SMCO4: variants seen among roughly 807,000 people sequenced by gnomAD.
The protein encoded by SMCO4 is single-pass membrane protein with coiled-coil domains 4, also known as single-pass membrane and coiled-coil domain-containing protein 4.
SMCO4 carries 4 observed loss-of-function variants against 3.6 expected under a neutral mutation model. The ratio of observed to expected loss-of-function variants is 1.11; its 90% CI spans 0.54 to 2.53. The LOEUF (loss-of-function observed/expected upper bound fraction) is 2.53, where lower values mean the gene tolerates loss of function less well. SMCO4 is among the 30% of genes most tolerant of loss of function. The pLI, the probability that SMCO4 is intolerant of heterozygous loss-of-function variation, is 0.02. For synonymous variants in SMCO4, 36 were observed against 35.3 expected, an observed-to-expected ratio of 1.02 and a Z score of -0.07; for missense variants, 70 against 80.8, an observed-to-expected ratio of 0.87 and a Z score of 0.51.
At chr11:93,506,176 T>C (rs753601849) in intron 1 of SMCO4, among the ~76,000 whole-genome samples, 3 of 152,092 alleles carry the variant, frequency 2.0e-5, no homozygotes, top group Non-Finnish European at 2.9e-5. Context: ...AGAGGGGGCA[T>C]GGAGCCAAGA....
rs140469719 is a variant in SMCO4 at position 93,517,996 on chromosome 11, G to A, written c.-153-18648C>T. The stretch of plus-strand genomic sequence containing the variant: ...AGACATTTTAAAGTACATAATTCAC[G>A]GCATTTAGACATTCACAATGTTGTG... On this transcript the variant is annotated intron_variant, in intron 1 of 2. Coordinates refer to ENST00000298966, the MANE Select transcript of SMCO4 (RefSeq NM_020179.3). 5.3e-5 allele frequency among the ~76,000 whole-genome samples: 8 copies of A among 152,258 alleles called. No homozygotes were observed. In the East Asian group the frequency reaches 7.7e-4, roughly 15 times the overall value.
intron 1 of SMCO4, among the ~76,000 whole-genome samples, chr11:93,530,639 CTCT>C (rs1949153512): frequency 6.6e-6 from 1 of 152,172 alleles, no homozygotes; most frequent in East Asian, 1.9e-4. Flanking sequence ...GATCCTCATC[CTCT>C]TCTTTACTCC....
At chr11:93,494,694 T>G (rs997440482) in intron 2 of SMCO4, among the ~76,000 whole-genome samples, 1 of 152,206 alleles carries the variant, frequency 6.6e-6, no homozygotes, top group African/African-American at 2.4e-5. Flanking sequence ...CTCTGGAATT[T>G]TAAGTCTCAC....
At chr11:93,498,593 C>T (rs1055803510) in intron 2 of SMCO4, among the ~76,000 whole-genome samples, 6 of 152,148 alleles carry the variant, frequency 3.9e-5, no homozygotes, top group African/African-American at 1.4e-4. Flanking sequence ...TAACATGGGT[C>T]CAAAATCAAA....
intron 1 of SMCO4, among the ~76,000 whole-genome samples, chr11:93,503,516 G>T (rs6483248): frequency 6.6e-6 from 1 of 152,072 alleles, no homozygotes; most frequent in Non-Finnish European, 1.5e-5. Context: ...TGTTATCTTA[G>T]GTGGAAAATG....
chr11:93,503,638 C>G (rs1472509610), intron 1 of SMCO4, among the ~76,000 whole-genome samples: 1 of 152,186 alleles, frequency 6.6e-6, no homozygotes, highest in Admixed American at 6.5e-5. Context: ...TACACACACA[C>G]AAACACACAG....
At chr11:93,489,958 C>G (rs538203155) in intron 2 of SMCO4, among the ~76,000 whole-genome samples, 2 of 152,238 alleles carry the variant, frequency 1.3e-5, no homozygotes, top group Non-Finnish European at 2.9e-5. Context: ...TGTGAGAATA[C>G]TTCCAGGCTC....
intron 1 of SMCO4, among the ~76,000 whole-genome samples, chr11:93,534,270 A>T (rs1403892559): frequency 6.7e-6 from 1 of 148,310 alleles, no homozygotes; most frequent in African/African-American, 2.5e-5. Flanking sequence ...ACAAACACAT[A>T]TATATATACA....
chr11:93,497,714 CT>C (rs1948791086), intron 2 of SMCO4, among the ~76,000 whole-genome samples: 1 of 152,200 alleles, frequency 6.6e-6, no homozygotes, highest in Admixed American at 6.5e-5. Flanking sequence ...CATTGAACTT[CT>C]GAGCTTATTT....
At chr11:93,529,515 T>C (rs1591326140) in intron 1 of SMCO4, among the ~76,000 whole-genome samples, 3 of 152,070 alleles carry the variant, frequency 2.0e-5, no homozygotes, top group African/African-American at 7.2e-5. Flanking sequence ...TCTGGCACTA[T>C]CTTGGTAAGT....
At chr11:93,548,163 C>A (rs1304994918), upstream of SMCO4, among the ~76,000 whole-genome samples, 1 of 152,228 alleles carries the variant, frequency 6.6e-6, no homozygotes, top group African/African-American at 2.4e-5. Flanking sequence ...AATCCACAGA[C>A]AGGTTTTTCA....
chr11:93,506,437 CA>C (rs1463624284), intron 1 of SMCO4, among the ~76,000 whole-genome samples: 4 of 149,248 alleles, frequency 2.7e-5, no homozygotes, highest in Admixed American at 2.7e-4. Context: ...GCCACACACA[CA>C]GCTTTTTTTT....
chr11:93,482,009 C>A (rs1035854300), intron 2 of SMCO4, among the ~76,000 whole-genome samples: 2 of 152,250 alleles, frequency 1.3e-5, no homozygotes, highest in Non-Finnish European at 2.9e-5. Flanking sequence ...ATGACCAGTT[C>A]TCAACATTTG....
At position 93,479,059 on chromosome 11, in the gene SMCO4, A is replaced by G. The variant is rs1948558052; in HGVS notation, c.131T>C (p.Leu44Ser). The change falls in exon 3 of 3, where the codon TTG becomes TCG. Residue 44 changes from leucine (L) to serine (S), a missense_variant. Coordinates refer to ENST00000298966, the MANE Select transcript of SMCO4 (RefSeq NM_020179.3). ...GGCCACGTACACAAACACCACGATC[A>G]AGAGCACGACCACGGCCAGCGTGGG... Reference protein sequence around the residue: ...VLPTLAVVVLLIVVFVYVATR... With the variant: ...VLPTLAVVVLSIVVFVYVATR... 2 of 1,613,708 alleles carry G rather than the reference A, an allele frequency of 1.2e-6. No homozygotes were observed. The highest frequency in any genetic ancestry group is 1.7e-6 in the Non-Finnish European group (2 of 1,179,976).
rs569435289 is a variant in SMCO4 at position 93,538,239 on chromosome 11, C to T, written c.-154+5037G>A. Among the ~76,000 whole-genome samples, 198 of 152,306 alleles carry T rather than the reference C, an allele frequency of 1.3e-3. 14 individuals carry two copies. The highest frequency in any genetic ancestry group is 1.2e-3 in the South Asian group (6 of 4,816). The stretch of plus-strand genomic sequence containing the variant: ...TGCACCCGTCAGAGGAGGCTGGCCT[C>T]GACTCCTCTTGGGGCTGGCCATTAT... On this transcript the variant is annotated intron_variant, in intron 1 of 2. Coordinates refer to ENST00000298966, the MANE Select transcript of SMCO4 (RefSeq NM_020179.3).
chr11:93,481,024 T>C (rs1948586383), intron 2 of SMCO4, among the ~76,000 whole-genome samples: 1 of 142,524 alleles, frequency 7.0e-6, no homozygotes, highest in Non-Finnish European at 1.5e-5. Flanking sequence ...ATTTCCTTCA[T>C]GAAATAAGGA....
intron 1 of SMCO4, among the ~76,000 whole-genome samples, chr11:93,518,286 C>T (rs1357114448): frequency 6.6e-6 from 1 of 152,162 alleles, no homozygotes; most frequent in Non-Finnish European, 1.5e-5. Flanking sequence ...TACATCATTC[C>T]TTTTTATTGC....
chr11:93,545,721 T>TA (rs1949311936), upstream of SMCO4, among the ~76,000 whole-genome samples: 1 of 152,198 alleles, frequency 6.6e-6, no homozygotes, highest in Non-Finnish European at 1.5e-5. Context: ...TAATGGCTTC[T>TA]AATGAATCAC....
upstream of SMCO4, among the ~76,000 whole-genome samples, chr11:93,544,300 C>T (rs1012507487): frequency 1.3e-5 from 2 of 152,134 alleles, no homozygotes; most frequent in Non-Finnish European, 2.9e-5. Flanking sequence ...AAACTATCTT[C>T]GAAATGTAAA....
Sources: gnomAD v4.1 joint callset for allele counts (sites outside exome capture counted in the v4.1 genomes callset) on GRCh38, gnomAD v4.1.1 for gene constraint, MANE v1.5 for transcripts, NCBI Gene and HGNC (gene_info 2026-07-23, HGNC 2026-07-21) for gene names.